Variants in UHRF2 observed in about 807,000 individuals in gnomAD.
The protein encoded by UHRF2 is E3 ubiquitin-protein ligase UHRF2.
In UHRF2, 23 loss-of-function variants were observed where a neutral mutation model predicts 96.8. That is an observed-to-expected ratio of 0.24 (90% confidence interval 0.17 to 0.34). The LOEUF (loss-of-function observed/expected upper bound fraction) is 0.34, where lower values mean the gene tolerates loss of function less well. UHRF2 is among the 10% of genes least tolerant of loss of function. The probability of loss-of-function intolerance (pLI) is 1.00; values close to 1 mark genes in which losing one functional copy is unlikely to be tolerated. For missense variants in UHRF2, 685 were observed against 981.5 expected, an observed-to-expected ratio of 0.70 and a Z score of 4.04; for synonymous variants, 385 against 332.6, an observed-to-expected ratio of 1.16 and a Z score of -1.72.
chr9:6,439,864 ATT>A (rs1821061757), intron 3 of UHRF2, among the ~76,000 whole-genome samples: 1 of 152,182 alleles, frequency 6.6e-6, no homozygotes, highest in African/African-American at 2.4e-5. Flanking sequence ...TTCTAGTGGT[ATT>A]TTGAACAGAA....
At chr9:6,456,844 G>C (rs1822208716) in intron 3 of UHRF2, among the ~76,000 whole-genome samples, 1 of 152,186 alleles carries the variant, frequency 6.6e-6, no homozygotes. Context: ...GATAGTTGAA[G>C]ATGTGTGGCG....
At chr9:6,456,882 A>G (rs987066215) in intron 3 of UHRF2, among the ~76,000 whole-genome samples, 9 of 151,938 alleles carry the variant, frequency 5.9e-5, no homozygotes, top group African/African-American at 2.2e-4. Flanking sequence ...GTTCAGTTCC[A>G]TTGGTCTACA....
intron 3 of UHRF2, among the ~76,000 whole-genome samples, chr9:6,458,995 C>G (rs1274825679): frequency 2.6e-5 from 4 of 152,118 alleles, no homozygotes; most frequent in Non-Finnish European, 4.4e-5. Flanking sequence ...CATGTTCTCA[C>G]TCATAAGTGG....
chr9:6,488,754 G>A (rs1207436410), intron 9 of UHRF2, among the ~76,000 whole-genome samples: 2 of 150,730 alleles, frequency 1.3e-5, no homozygotes, highest in Non-Finnish European at 3.0e-5. Context: ...TGCCCACCTC[G>A]GCTTCCCAAA....
At chr9:6,470,296 C>T (rs1013209925) in intron 4 of UHRF2, among the ~76,000 whole-genome samples, 2 of 151,000 alleles carry the variant, frequency 1.3e-5, no homozygotes, top group African/African-American at 4.9e-5. Flanking sequence ...CTGCTTGATC[C>T]TGGGAGGTGG....
chr9:6,503,261 A>T (rs1372828205), intron 14 of UHRF2, among the ~76,000 whole-genome samples: 1 of 152,202 alleles, frequency 6.6e-6, no homozygotes, highest in African/African-American at 2.4e-5. Context: ...CTCCCAGAGT[A>T]CTGGGATTAC....
At chr9:6,445,842 G>C (rs1278840307) in intron 3 of UHRF2, among the ~76,000 whole-genome samples, 4 of 152,052 alleles carry the variant, frequency 2.6e-5, no homozygotes, top group Non-Finnish European at 5.9e-5. Flanking sequence ...GGGCTTACAG[G>C]CATTAGCCAC....
intron 9 of UHRF2, among the ~76,000 whole-genome samples, chr9:6,490,928 C>G (rs970290066): frequency 2.6e-5 from 4 of 152,104 alleles, no homozygotes; most frequent in Admixed American, 2.0e-4. Flanking sequence ...GAAAAGGAAA[C>G]CTGAATAAGC....
At chr9:6,472,297 T>C (rs571036958) in intron 4 of UHRF2, among the ~76,000 whole-genome samples, 1 of 152,328 alleles carries the variant, frequency 6.6e-6, no homozygotes, top group African/African-American at 2.4e-5. Flanking sequence ...AAATTTATCT[T>C]ATGAAAATAA....
In UHRF2 at chr9:6,494,091, C is replaced by A. The variant is rs1007496793; in HGVS notation, c.1604+159C>A. 1.0e-5 allele frequency: 6 copies of A among 598,024 alleles called. No homozygotes were observed. The African/African-American group carries it at 1.1e-4, about 11-fold the overall frequency. The allele number at this position is 598,024 out of a possible 1,614,324, so 37.0% of individuals were successfully genotyped here. A position where few individuals can be genotyped will look rare whatever the true frequency, so the allele number is the denominator to read the frequency against. On this transcript the variant is annotated intron_variant, in intron 10 of 15. Transcript: ENST00000276893. Reference sequence around the variant, plus strand: ...TGATTATGTAATTGTTTTTCAGCATCCTAACATATCTTTATACTGTTATTT... The same window carrying A: ...TGATTATGTAATTGTTTTTCAGCATACTAACATATCTTTATACTGTTATTT...
chr9:6,446,860 A>G (rs970159363), intron 3 of UHRF2, among the ~76,000 whole-genome samples: 1 of 151,546 alleles, frequency 6.6e-6, no homozygotes, highest in Non-Finnish European at 1.5e-5. Context: ...ATAAATAAAC[A>G]AACAAATAAT....
chr9:6,486,255 G>C (rs1824283936), intron 8 of UHRF2, among the ~76,000 whole-genome samples: 1 of 152,178 alleles, frequency 6.6e-6, no homozygotes, highest in Non-Finnish European at 1.5e-5. Context: ...TCTGTTGTGA[G>C]CATTCATGAC....
chr9:6,420,380 A>G (rs1819859816), intron 1 of UHRF2, among the ~76,000 whole-genome samples: 1 of 149,098 alleles, frequency 6.7e-6, no homozygotes, highest in East Asian at 2.1e-4. Context: ...AATGGCTAGC[A>G]GTGTTCTCTG....
intron 3 of UHRF2, among the ~76,000 whole-genome samples, chr9:6,443,597 C>G (rs1467165523): frequency 6.6e-6 from 1 of 152,184 alleles, no homozygotes; most frequent in Non-Finnish European, 1.5e-5. Flanking sequence ...AATGCTTTCA[C>G]AGAACAGATA....
At chr9:6,505,904 C>A in intron 15 of UHRF2, 129 bp from the exon 16 acceptor site, 1 of 941,748 alleles carries the variant, frequency 1.1e-6, no homozygotes, top group Non-Finnish European at 1.6e-6. Flanking sequence ...CAGATTCAAG[C>A]CTTTATGTTT....
intron 3 of UHRF2, among the ~76,000 whole-genome samples, chr9:6,438,712 T>G (rs540558959): frequency 6.6e-6 from 1 of 152,348 alleles, no homozygotes; most frequent in South Asian, 2.1e-4. Flanking sequence ...TGGAGCTGTT[T>G]AAAAGCTGTT....
chr9:6,432,186 A>G (rs1368526166), intron 2 of UHRF2, among the ~76,000 whole-genome samples: 9 of 151,916 alleles, frequency 5.9e-5, no homozygotes, highest in Admixed American at 5.9e-4. Flanking sequence ...TTAGGTTTTT[A>G]TTTTTTCCTA....
rs757681113 is a variant in UHRF2 at position 6,481,786 on chromosome 9, TTTC to T, written c.1284+24_1284+26del. On this transcript the variant is annotated intron_variant, in intron 7 of 15. Coordinates refer to ENST00000276893, the MANE Select transcript of UHRF2 (RefSeq NM_152896.3). ...GGCAGGGTAAAGAAGAAATTCCCCTTTTCTTCCTAATAGCAAGTTATAATATAT... is the reference window on the plus strand; with the variant it reads ...GGCAGGGTAAAGAAGAAATTCCCCTTTTCCTAATAGCAAGTTATAATATAT... The T allele has an allele frequency of 2.6e-5, 41 of 1,599,668 alleles. No homozygotes were observed. Among genetic ancestry groups the T allele is most frequent in the Admixed American group, 5.5e-5 (3 of 54,848 alleles).
chr9:6,438,769 A>G (rs1046760847), intron 3 of UHRF2, among the ~76,000 whole-genome samples: 1 of 152,244 alleles, frequency 6.6e-6, no homozygotes, highest in African/African-American at 2.4e-5. Flanking sequence ...CCAGATTATC[A>G]GTCTTTGAAA....
Sources: gnomAD v4.1 joint callset for allele counts (sites outside exome capture counted in the v4.1 genomes callset) on GRCh38, gnomAD v4.1.1 for gene constraint, MANE v1.5 for transcripts, NCBI Gene and HGNC (gene_info 2026-07-23, HGNC 2026-07-21) for gene names.